CALN1: variants seen among roughly 807,000 people sequenced by gnomAD.
The protein encoded by CALN1 is calneuron 1.
A neutral mutation model predicts 30.6 loss-of-function variants in CALN1; 17 were observed. That is an observed-to-expected ratio of 0.56 (90% CI 0.38 to 0.83). CALN1 has a LOEUF of 0.83. CALN1 is among the 40% of genes least tolerant of loss of function. CALN1 has a pLI of 0.00. For synonymous variants in CALN1, 156 were observed against 131.4 expected, an observed-to-expected ratio of 1.19 and a Z score of -1.28; for missense variants, 291 against 354.9, an observed-to-expected ratio of 0.82 and a Z score of 1.45.
intron 2 of CALN1, among the ~76,000 whole-genome samples, chr7:72,312,875 C>T (rs2129556542): frequency 6.6e-6 from 1 of 151,972 alleles, no homozygotes; most frequent in South Asian, 2.1e-4. Context: ...CATTCTGTCG[C>T]CCAGACTGGA....
At chr7:72,460,039 G>A in the CALN1 span, among the ~76,000 whole-genome samples, 3 of 152,176 alleles carry the variant, frequency 2.0e-5, no homozygotes, top group African/African-American at 7.2e-5. Flanking sequence ...CATGGTGGAA[G>A]GAAAAGGGGA....
intron 5 of CALN1, among the ~76,000 whole-genome samples, chr7:71,931,426 C>G (rs374393686): frequency 2.0e-5 from 3 of 152,138 alleles, no homozygotes; most frequent in Non-Finnish European, 4.4e-5. Flanking sequence ...GCCACAACAC[C>G]CAGTCGATTT....
At chr7:72,221,740 A>G (rs1562758879) in intron 3 of CALN1, among the ~76,000 whole-genome samples, 1 of 151,928 alleles carries the variant, frequency 6.6e-6, no homozygotes, top group Non-Finnish European at 1.5e-5. Context: ...AACTACAAAA[A>G]TTAGCTGGGC....
Position 72,181,501 on chromosome 7 carries a change from G to GAC in CALN1, c.245-75208_245-75207insGT, listed in dbSNP as rs1554308951. 6.6e-4 allele frequency among the ~76,000 whole-genome samples: 97 copies of GAC among 147,164 alleles called. 1 individual carries two copies. The highest frequency in any genetic ancestry group is 1.0e-3 in the East Asian group (5 of 4,932). On this transcript the variant is annotated intron_variant, in intron 3 of 6. Transcript: ENST00000395275. ...ATTTCCATAACTTTTTTTTTTTTTT[G>GAC]AGAGTCTTGCTCTGTCACCCAGGCT...
chr7:72,415,344 C>T, upstream of CALN1, among the ~76,000 whole-genome samples: 1 of 152,198 alleles, frequency 6.6e-6, no homozygotes, highest in East Asian at 1.9e-4. Context: ...AGCTCAAATG[C>T]CTACAGGGAC....
chr7:72,058,310 C>CTT (rs3065011), intron 4 of CALN1, among the ~76,000 whole-genome samples: 968 of 70,766 alleles, frequency 0.014, 14 homozygotes, highest in Non-Finnish European at 0.019. Flanking sequence ...AAGCTGGAAT[C>CTT]TTTTTTTTTT....
At chr7:71,913,230 T>C (rs1385778970) in intron 5 of CALN1, among the ~76,000 whole-genome samples, 1 of 152,196 alleles carries the variant, frequency 6.6e-6, no homozygotes. Flanking sequence ...GCATGGAAGA[T>C]GGCCTTCATC....
chr7:71,919,292 G>A (rs1309011146), intron 5 of CALN1, among the ~76,000 whole-genome samples: 1 of 152,150 alleles, frequency 6.6e-6, no homozygotes, highest in Non-Finnish European at 1.5e-5. Context: ...AGGTACAAAC[G>A]TCAAAGCCTT....
intron 3 of CALN1, among the ~76,000 whole-genome samples, chr7:72,166,681 T>C (rs369614857): frequency 1.6e-4 from 25 of 152,342 alleles, no homozygotes; most frequent in African/African-American, 4.1e-4. Flanking sequence ...TATGTAAATA[T>C]ACCAAGCATT....
the CALN1 span, among the ~76,000 whole-genome samples, chr7:72,499,949 T>C: frequency 2.0e-5 from 3 of 149,436 alleles, 1 homozygote; most frequent in African/African-American, 7.4e-5. Context: ...TCTCGCTCTG[T>C]TGCCCTGGCT....
intron 3 of CALN1, among the ~76,000 whole-genome samples, chr7:72,231,080 G>C (rs1028259663): frequency 7.9e-5 from 12 of 151,964 alleles, no homozygotes; most frequent in Admixed American, 2.0e-4. Flanking sequence ...TCACTCAGTA[G>C]CTGACTGAGC....
intron 2 of CALN1, among the ~76,000 whole-genome samples, chr7:72,369,681 C>T (rs1350318820): frequency 1.3e-5 from 2 of 152,048 alleles, no homozygotes; most frequent in African/African-American, 4.8e-5. Context: ...TCCTTTCACT[C>T]GTAAGAATTA....
At chr7:72,278,513 A>G (rs1182763924) in intron 3 of CALN1, among the ~76,000 whole-genome samples, 173 bp downstream of exon 3, 1 of 141,354 alleles carries the variant, frequency 7.1e-6, no homozygotes. Flanking sequence ...ACACACACAC[A>G]CGTCACTTGG....
intron 3 of CALN1, among the ~76,000 whole-genome samples, chr7:72,199,955 C>G (rs1791305891): frequency 6.6e-6 from 1 of 152,172 alleles, no homozygotes; most frequent in Non-Finnish European, 1.5e-5. Context: ...CCTCATGAAA[C>G]AATGACGGGC....
At position 72,408,270 on chromosome 7, in the gene CALN1, TAAAAAAAAAAA is replaced by T. The variant is rs34402288; in HGVS notation, c.-74+3777_-74+3787del. ...CAACATGGTGAAACCCCATCTCTAT[TAAAAAAAAAAA>T]AAAAAAAAAATTAGTAGTGCGTGGT... On this transcript the variant is annotated intron_variant, in intron 1 of 6. Coordinates refer to ENST00000395275, the MANE Select transcript of CALN1 (RefSeq NM_031468.4). Among the ~76,000 whole-genome samples, 4 of 129,446 alleles carry T rather than the reference TAAAAAAAAAAA, an allele frequency of 3.1e-5. No individual in the cohort carries two copies. In the Admixed American group the frequency reaches 3.1e-4, roughly 10 times the overall value. The allele number at this position is 129,446 out of a possible 152,430, so 84.9% of individuals were successfully genotyped here. A position where few individuals can be genotyped will look rare whatever the true frequency, so the allele number is the denominator to read the frequency against.
At chr7:72,363,432 T>C (rs1217124341) in intron 2 of CALN1, among the ~76,000 whole-genome samples, 1 of 151,708 alleles carries the variant, frequency 6.6e-6, no homozygotes, top group African/African-American at 2.4e-5. Context: ...AGAGAAGGGG[T>C]TTCGCCATGT....
intron 4 of CALN1, among the ~76,000 whole-genome samples, chr7:72,082,584 A>G (rs532392613): frequency 6.6e-6 from 1 of 152,218 alleles, no homozygotes; most frequent in Non-Finnish European, 1.5e-5. Flanking sequence ...GCAAAATGTC[A>G]GCATGGTTCA....
chr7:72,038,832 G>A (rs1801958450), intron 4 of CALN1, among the ~76,000 whole-genome samples: 1 of 152,180 alleles, frequency 6.6e-6, no homozygotes. Context: ...CTAAAAAGGG[G>A]AGGCATAAAT....
At chr7:72,393,437 CTG>C (rs765288036) in intron 2 of CALN1, among the ~76,000 whole-genome samples, 21 of 152,198 alleles carry the variant, frequency 1.4e-4, no homozygotes, top group Non-Finnish European at 2.6e-4. Context: ...GCACTCCAGA[CTG>C]GGAGAGAGAG....
Sources: gnomAD v4.1 joint callset for allele counts (sites outside exome capture counted in the v4.1 genomes callset) on GRCh38, gnomAD v4.1.1 for gene constraint, MANE v1.5 for transcripts, NCBI Gene and HGNC (gene_info 2026-07-23, HGNC 2026-07-21) for gene names.